The following NTRK3 variants were observed in gnomAD, a reference collection of about 807,000 sequenced individuals.
NTRK3 encodes NT-3 growth factor receptor.
A neutral mutation model predicts 91.7 loss-of-function variants in NTRK3; 24 were observed. The ratio of observed to expected loss-of-function variants is 0.26; its 90% confidence interval spans 0.19 to 0.37. The LOEUF is 0.37. NTRK3 is among the 10% of genes least tolerant of loss of function. The pLI is 1.00. For missense variants in NTRK3, 880 were observed against 1,068.9 expected (o/e 0.82, Z 2.46); for synonymous variants, 483 against 404.0 (o/e 1.20, Z -2.34).
chr15:87,969,538 A>G (rs191836430), intron 14 of NTRK3, among the ~76,000 whole-genome samples: 2 of 152,312 alleles, frequency 1.3e-5, no homozygotes, highest in East Asian at 3.9e-4. Context: ...ATGGCCATAA[A>G]CTATCATGTG....
intron 14 of NTRK3, among the ~76,000 whole-genome samples, chr15:88,003,965 C>T (rs576871535): frequency 6.6e-6 from 1 of 151,982 alleles, no homozygotes; most frequent in African/African-American, 2.4e-5. Context: ...CATTCAAGAG[C>T]AGAATCTCCT....
intron 8 of NTRK3, 67 bp downstream of exon 8, chr15:88,136,400 T>C: frequency 1.9e-6 from 3 of 1,607,454 alleles, no homozygotes; most frequent in South Asian, 1.1e-5. Flanking sequence ...AAATTTTCCC[T>C]CTTCTTCAAG....
intron 14 of NTRK3, among the ~76,000 whole-genome samples, chr15:88,011,203 C>T (rs1322474016): frequency 6.6e-6 from 1 of 152,162 alleles, no homozygotes; most frequent in Admixed American, 6.5e-5. Flanking sequence ...CAGAAAACAC[C>T]TCCACACCTT....
chr15:87,986,086 T>A (rs2074753052), intron 14 of NTRK3, among the ~76,000 whole-genome samples: 1 of 152,230 alleles, frequency 6.6e-6, no homozygotes, highest in Non-Finnish European at 1.5e-5. Flanking sequence ...TTCTTTACCA[T>A]TCTCAGAATT....
At chr15:87,962,376 T>C in intron 14 of NTRK3, among the ~76,000 whole-genome samples, 1 of 152,086 alleles carries the variant, frequency 6.6e-6, no homozygotes, top group East Asian at 1.9e-4. Flanking sequence ...GCCCCATCCA[T>C]GCTCACCCCT....
intron 17 of NTRK3, among the ~76,000 whole-genome samples, chr15:87,910,916 G>A (rs2067054916): frequency 1.3e-5 from 2 of 152,154 alleles, no homozygotes; most frequent in Non-Finnish European, 2.9e-5. Flanking sequence ...GATAATTAGT[G>A]ACCCCAAAAC....
chr15:88,011,014 T>C (rs887687694), intron 14 of NTRK3, among the ~76,000 whole-genome samples: 1 of 152,208 alleles, frequency 6.6e-6, no homozygotes. Flanking sequence ...AAAAAATCCA[T>C]CCTTTTGGAC....
intron 13 of NTRK3, among the ~76,000 whole-genome samples, chr15:88,075,250 G>A (rs1261322042): frequency 6.6e-6 from 1 of 152,188 alleles, no homozygotes; most frequent in Non-Finnish European, 1.5e-5. Context: ...CCGAGGGCCT[G>A]AGCCACCATC....
intron 12 of NTRK3, among the ~76,000 whole-genome samples, 181 bp downstream of exon 12, chr15:88,126,981 C>G (rs914764163): frequency 6.6e-6 from 1 of 152,180 alleles, no homozygotes; most frequent in South Asian, 2.1e-4. Context: ...AACATTTCCT[C>G]AAACAATGAA....
chr15:88,040,368 C>T (rs1403616754), intron 13 of NTRK3, among the ~76,000 whole-genome samples: 3 of 152,156 alleles, frequency 2.0e-5, no homozygotes, highest in Non-Finnish European at 2.9e-5. Context: ...GTGGGTACAC[C>T]ACCATTCTGC....
At chr15:87,932,759 T>C (rs2068917730) in intron 16 of NTRK3, among the ~76,000 whole-genome samples, 1 of 152,200 alleles carries the variant, frequency 6.6e-6, no homozygotes, top group Non-Finnish European at 1.5e-5. Flanking sequence ...CCAGACCCTG[T>C]CCATTTTGGA....
At chr15:88,201,612 A>T (rs908733943) in intron 3 of NTRK3, among the ~76,000 whole-genome samples, 2 of 151,988 alleles carry the variant, frequency 1.3e-5, no homozygotes, top group Non-Finnish European at 2.9e-5. Flanking sequence ...TGAGGAAAAC[A>T]CTCCCAATTC....
At chr15:87,992,397 CT>C (rs2075356169) in intron 14 of NTRK3, among the ~76,000 whole-genome samples, 1 of 152,192 alleles carries the variant, frequency 6.6e-6, no homozygotes, top group Non-Finnish European at 1.5e-5. Flanking sequence ...CCGTTCAATC[CT>C]TTCACCCCCA....
intron 13 of NTRK3, among the ~76,000 whole-genome samples, chr15:88,089,477 G>A (rs1453973417): frequency 6.6e-6 from 1 of 152,172 alleles, no homozygotes; most frequent in East Asian, 1.9e-4. Context: ...TTACAGTATA[G>A]TACGTCCAAG....
chr15:88,156,581 G>A (rs544274019), intron 5 of NTRK3, among the ~76,000 whole-genome samples: 42 of 151,658 alleles, frequency 2.8e-4, no homozygotes, highest in Admixed American at 5.3e-4. Context: ...CCACACCACC[G>A]CACCTTTCAT....
At chr15:88,181,014 C>T (rs1250836544) in intron 5 of NTRK3, among the ~76,000 whole-genome samples, 1 of 152,210 alleles carries the variant, frequency 6.6e-6, no homozygotes, top group Non-Finnish European at 1.5e-5. Flanking sequence ...GGGCATCCCA[C>T]TGTGCCTATG....
intron 13 of NTRK3, among the ~76,000 whole-genome samples, chr15:88,051,399 A>C (rs1471164176): frequency 6.6e-6 from 1 of 152,162 alleles, no homozygotes; most frequent in Non-Finnish European, 1.5e-5. Context: ...GTCTCTCGCT[A>C]GTGATTCTCT....
At chr15:87,948,749 G>C (rs1306474646) in intron 14 of NTRK3, among the ~76,000 whole-genome samples, 1 of 152,054 alleles carries the variant, frequency 6.6e-6, no homozygotes, top group Non-Finnish European at 1.5e-5. Context: ...CAATGACTTG[G>C]GAATGGATTC....
intron 3 of NTRK3, among the ~76,000 whole-genome samples, chr15:88,200,134 G>C (rs2048175920): frequency 6.6e-6 from 1 of 152,206 alleles, no homozygotes. Context: ...TGGTTACAGA[G>C]CTCACTCATG....
Sources: allele counts gnomAD v4.1 joint callset (sites outside exome capture counted in the v4.1 genomes callset), GRCh38; gene constraint gnomAD v4.1.1; transcripts MANE v1.5; gene names NCBI Gene and HGNC (gene_info 2026-07-23, HGNC 2026-07-21).